MTHFS: variants seen among roughly 807,000 people sequenced by gnomAD.
MTHFS encodes the protein methenyltetrahydrofolate synthetase.
Under a neutral mutation model 12.7 loss-of-function variants are expected in MTHFS, and 7 were observed. The observed-to-expected ratio is 0.55, with a 90% CI of 0.31 to 1.03. MTHFS has a LOEUF of 1.03. MTHFS is among the 50% of genes least tolerant of loss of function. The probability of loss-of-function intolerance (pLI) is 0.05; values close to 1 mark genes in which losing one functional copy is unlikely to be tolerated. For missense variants in MTHFS, 252 were observed against 258.1 expected (o/e 0.98, Z 0.16); for synonymous variants, 100 against 97.1 (o/e 1.03, Z -0.18).
chr15:79,864,481 G>A (rs890264062), intron 2 of MTHFS, among the ~76,000 whole-genome samples: 2 of 145,952 alleles, frequency 1.4e-5, no homozygotes, highest in African/African-American at 5.1e-5. Context: ...GGAGGTGGAG[G>A]GTGCATTAAG....
intron 2 of MTHFS, among the ~76,000 whole-genome samples, chr15:79,854,316 A>G (rs1297807068): frequency 6.6e-6 from 1 of 152,246 alleles, no homozygotes; most frequent in Non-Finnish European, 1.5e-5. Flanking sequence ...CTTGGCCTGA[A>G]GGTGCAAGGG....
chr15:79,897,095 C>A, upstream of MTHFS: 1 of 1,127,284 alleles, frequency 8.9e-7, no homozygotes, highest in Non-Finnish European at 1.2e-6. Flanking sequence ...AGGGGCGGGT[C>A]GGGGCTCGGG....
chr15:79,889,248 C>T lies in MTHFS; in HGVS notation c.224G>A (p.Gly75Asp). The T allele has an allele frequency of 6.2e-7, 1 of 1,614,142 alleles. No homozygotes were observed. The highest frequency in any genetic ancestry group is 8.5e-7 in the Non-Finnish European group (1 of 1,180,020). Residue 75 changes from glycine to aspartate, a missense_variant, in exon 2 of 3, where the codon GGC becomes GAC. Gly to Asp is a moderately conservative substitution (Grantham distance 94). Coordinates refer to ENST00000258874, the MANE Select transcript of MTHFS (RefSeq NM_006441.4). ...EEIIKDIFQR[G>D]KICFIPRYRF... ...GTACCGAGGGATGAAGCAGATTTTGCCTCGTTGGAAAATGTCCTTGATGAT... is the reference window on the plus strand; with the variant it reads ...GTACCGAGGGATGAAGCAGATTTTGTCTCGTTGGAAAATGTCCTTGATGAT...
chr15:79,870,935 G>A (rs2034093681), intron 2 of MTHFS, among the ~76,000 whole-genome samples: 1 of 152,194 alleles, frequency 6.6e-6, no homozygotes, highest in African/African-American at 2.4e-5. Context: ...CTGAACTGAG[G>A]AGGTCGAGAC....
intron 2 of MTHFS, chr15:79,878,086 A>G (rs1365513615): frequency 6.6e-6 from 1 of 152,162 alleles, no homozygotes; most frequent in Non-Finnish European, 1.5e-5. Context: ...TGGAAACAGT[A>G]AGTAGGAAGG....
chr15:79,850,637 A>G (rs2033698454), intron 2 of MTHFS, among the ~76,000 whole-genome samples: 2 of 152,192 alleles, frequency 1.3e-5, no homozygotes, highest in South Asian at 4.1e-4. Flanking sequence ...AGAGAAGTAG[A>G]CGCAGTGTCA....
chr15:79,889,528 T>C (rs894858425), intron 1 of MTHFS, among the ~76,000 whole-genome samples, 174 bp from the exon 2 acceptor site: 2 of 152,124 alleles, frequency 1.3e-5, no homozygotes, highest in African/African-American at 4.8e-5. Flanking sequence ...TCATGAAGCC[T>C]GACTTTTAGT....
rs369389566 is a variant in MTHFS at position 79,859,498 on chromosome 15, G to A, written c.380-14056C>T. On this transcript the variant is annotated intron_variant, in intron 2 of 2. Transcript: ENST00000258874. ...GGTAGATTACTCATTAAATGTGTTC[G>A]GACACCTGGCTAACATTTCTTTATA... Among the ~76,000 whole-genome samples the A allele has an allele frequency of 8.5e-5, 13 of 152,190 alleles. No individual in the cohort carries two copies. The East Asian group carries it at 1.2e-3, about 14-fold the overall frequency.
chr15:79,848,905 T>G (rs1228209949), intron 2 of MTHFS, among the ~76,000 whole-genome samples: 49 of 152,188 alleles, frequency 3.2e-4, no homozygotes. Flanking sequence ...AAAATGAATA[T>G]TTTGCCTGCA....
chr15:79,897,107 A>G (rs979554990), upstream of MTHFS: 58 of 970,900 alleles, frequency 6.0e-5, no homozygotes, highest in Non-Finnish European at 7.8e-5. Context: ...GGGCTCGGGG[A>G]AGCGCCCCCA....
At position 79,845,387 on chromosome 15, in the gene MTHFS, T is replaced by G; in HGVS notation, c.435A>C (p.Arg145=). The G allele has an allele frequency of 1.2e-6, 2 of 1,614,166 alleles. No individual in the cohort carries two copies. The highest frequency in any genetic ancestry group is 8.5e-7 in the Non-Finnish European group (1 of 1,180,028). ...CATAGTAGCCCTTGCCCCTCCCCAGTCGGTTGCCATGTTTGTCAAACCCAA... is the reference window on the plus strand; with the variant it reads ...CATAGTAGCCCTTGCCCCTCCCCAGGCGGTTGCCATGTTTGTCAAACCCAA... ...PGLGFDKHGN[R]LGRGKGYYDA... is the part of the protein sequence containing the mutation. The change falls in exon 3 of 3, where the codon CGA becomes CGC. Residue 145 remains arginine (R), a synonymous_variant. Coordinates refer to ENST00000258874, the MANE Select transcript of MTHFS (RefSeq NM_006441.4).
chr15:79,847,635 A>T (rs924241709), intron 2 of MTHFS, among the ~76,000 whole-genome samples: 7 of 140,076 alleles, frequency 5.0e-5, no homozygotes, highest in African/African-American at 1.3e-4. Flanking sequence ...GCGCCACTGC[A>T]CTCCAGCCTG....
At position 79,845,128 on chromosome 15, in the gene MTHFS, TA is replaced by T. The variant is rs756449984; in HGVS notation, c.*81del. ...ATTCACATTAATGAACAATTTCAAC[TA>T]ATTTTTGACAAGGGAAAAATACACA... On this transcript the variant is annotated 3_prime_UTR_variant, in exon 3 of 3. Transcript: ENST00000258874. The T allele has an allele frequency of 3.5e-4, 539 of 1,537,648 alleles. No homozygotes were observed. Among genetic ancestry groups the T allele is most frequent in the Non-Finnish European group, 4.6e-4 (521 of 1,135,886 alleles).
At chr15:79,863,513 G>C (rs754740094) in intron 2 of MTHFS, among the ~76,000 whole-genome samples, 1 of 152,198 alleles carries the variant, frequency 6.6e-6, no homozygotes, top group Non-Finnish European at 1.5e-5. Context: ...AGCAGAGGCT[G>C]CTGGTTGCCC....
At chr15:79,891,984 A>AG (rs1369050685) in intron 1 of MTHFS, among the ~76,000 whole-genome samples, 3 of 134,660 alleles carry the variant, frequency 2.2e-5, no homozygotes, top group Non-Finnish European at 5.0e-5. Flanking sequence ...AAAAAAAAAA[A>AG]AGAGAAAGAA....
chr15:79,871,189 G>A (rs946843299), intron 2 of MTHFS, among the ~76,000 whole-genome samples: 2 of 152,094 alleles, frequency 1.3e-5, no homozygotes, highest in Admixed American at 6.5e-5. Context: ...GTCTTTCACA[G>A]GGGTAAGGTC....
intron 2 of MTHFS, among the ~76,000 whole-genome samples, chr15:79,871,286 TG>T (rs1273620769): frequency 6.6e-6 from 1 of 151,808 alleles, no homozygotes; most frequent in Non-Finnish European, 1.5e-5. Context: ...TGCATAATTA[TG>T]AAGTACTAGA....
intron 2 of MTHFS, among the ~76,000 whole-genome samples, chr15:79,885,613 G>A (rs1025223356): frequency 5.3e-5 from 8 of 152,336 alleles, no homozygotes; most frequent in South Asian, 2.1e-4. Flanking sequence ...GGACAGGCAC[G>A]TAAGACCCAG....
intron 1 of MTHFS, among the ~76,000 whole-genome samples, chr15:79,892,075 T>C (rs1432487567): frequency 6.6e-6 from 1 of 151,860 alleles, no homozygotes; most frequent in Non-Finnish European, 1.5e-5. Flanking sequence ...AATTTGAAAT[T>C]CAAACTATCA....
Sources: gnomAD v4.1 joint callset for allele counts (sites outside exome capture counted in the v4.1 genomes callset) on GRCh38, gnomAD v4.1.1 for gene constraint, MANE v1.5 for transcripts, NCBI Gene and HGNC (gene_info 2026-07-23, HGNC 2026-07-21) for gene names.